TM4SF20: variants seen among roughly 807,000 people sequenced by gnomAD.
The protein encoded by TM4SF20 is transmembrane 4 L six family member 20, also known as transmembrane 4 L6 family member 20.
A neutral mutation model predicts 15.1 loss-of-function variants in TM4SF20; 13 were observed. The ratio of observed to expected loss-of-function variants is 0.86; its 90% CI spans 0.56 to 1.36. The LOEUF (loss-of-function observed/expected upper bound fraction) is 1.36, where lower values mean the gene tolerates loss of function less well. Among genes scored for constraint, TM4SF20 ranks in the 40% most tolerant of loss-of-function variants. The pLI is 0.00. For synonymous variants in TM4SF20, 92 were observed against 96.6 expected (o/e 0.95, Z 0.28); for missense variants, 282 against 268.4 (o/e 1.05, Z -0.35).
chr2:227,362,297 ATAATG>A lies in TM4SF20; in HGVS notation c.*1422_*1426del, dbSNP rs1424571964. On this transcript the variant is annotated 3_prime_UTR_variant, in exon 4 of 4. Transcript: ENST00000304568. Reference sequence around the variant, plus strand: ...CTAGGTATTGTTTTTTAATTAATGAATAATGTAAACATAGGAAAATAGGAGGGTAT... The same window carrying A: ...CTAGGTATTGTTTTTTAATTAATGAATAAACATAGGAAAATAGGAGGGTAT... The A allele has an allele frequency of 6.6e-6, 1 of 152,226 alleles. No individual in the cohort carries two copies. The highest frequency in any genetic ancestry group is 1.9e-4 in the East Asian group (1 of 5,204). The allele number at this position is 152,226 out of a possible 1,614,324, so 9.4% of individuals were successfully genotyped here. A position where few individuals can be genotyped will look rare whatever the true frequency, so the allele number is the denominator to read the frequency against.
chr2:227,379,201 A>G lies in TM4SF20; in HGVS notation c.68T>C (p.Val23Ala). 1.2e-6 allele frequency: 2 copies of G among 1,614,126 alleles called. No individual in the cohort carries two copies. Among genetic ancestry groups the G allele is most frequent in the African/African-American group, 1.3e-5 (1 of 75,014 alleles). The change falls in exon 1 of 4, where the codon GTA becomes GCA. Residue 23 changes from valine to alanine, a missense_variant. By Grantham distance (64) the Val-to-Ala change is moderately conservative. Transcript: ENST00000304568. ...FSLLVLLLLG[V>A]VLNAIPLIVS... ...AATTAGAGGTATCGCATTGAGAACT[A>G]CTCCTAACAGCAGTAGAACCAGCAG... is the stretch of plus-strand genomic sequence containing the variant.
chr2:227,367,318 CAGA>C (rs1318418639), intron 2 of TM4SF20, among the ~76,000 whole-genome samples: 1 of 152,036 alleles, frequency 6.6e-6, no homozygotes, highest in Non-Finnish European at 1.5e-5. Context: ...GTCATGAGAG[CAGA>C]AGAAGGCATG....
chr2:227,381,220 T>G (rs925800664), upstream of TM4SF20, among the ~76,000 whole-genome samples: 3 of 152,010 alleles, frequency 2.0e-5, no homozygotes, highest in Non-Finnish European at 4.4e-5. Flanking sequence ...GTAGTTGCAG[T>G]GAGCCAAGAT....
chr2:227,375,213 C>G (rs2076441739), intron 1 of TM4SF20, among the ~76,000 whole-genome samples: 1 of 152,086 alleles, frequency 6.6e-6, no homozygotes, highest in Non-Finnish European at 1.5e-5. Flanking sequence ...AGGCATAAGC[C>G]ACCATACCTG....
intron 3 of TM4SF20, among the ~76,000 whole-genome samples, chr2:227,364,858 A>T (rs1317364436): frequency 6.6e-6 from 1 of 152,190 alleles, no homozygotes; most frequent in Non-Finnish European, 1.5e-5. Context: ...TGTGCATAGC[A>T]TCTGTGGTAG....
At chr2:227,373,358 C>T (rs1340264241) in intron 1 of TM4SF20, among the ~76,000 whole-genome samples, 9 of 152,212 alleles carry the variant, frequency 5.9e-5, no homozygotes, top group Non-Finnish European at 1.3e-4. Context: ...GTGTATATGG[C>T]TGCCTAGCCA....
Position 227,363,660 on chromosome 2 carries a change from T to G in TM4SF20, c.*64A>C, listed in dbSNP as rs1486331981. 6.7e-6 allele frequency: 10 copies of G among 1,500,274 alleles called. No homozygotes were observed. Among genetic ancestry groups the G allele is most frequent in the Non-Finnish European group, 9.0e-6 (10 of 1,116,740 alleles). The allele number at this position is 1,500,274 out of a possible 1,614,324, so 92.9% of individuals were successfully genotyped here. On this transcript the variant is annotated 3_prime_UTR_variant, in exon 4 of 4. Coordinates refer to ENST00000304568, the MANE Select transcript of TM4SF20 (RefSeq NM_024795.4). ...TTTTAAATCATCTCAAAGATGACTT[T>G]GAAAACAAGTGTACTTCTCAAATTA...
In TM4SF20 at chr2:227,363,668, A is replaced by C. The variant is rs1275049648; in HGVS notation, c.*56T>G. On this transcript the variant is annotated 3_prime_UTR_variant, in exon 4 of 4. Transcript: ENST00000304568. ...CATCTCAAAGATGACTTTGAAAACA[A>C]GTGTACTTCTCAAATTAATTCAAAC... The C allele has an allele frequency of 6.6e-7, 1 of 1,518,874 alleles. No homozygotes were observed. The highest frequency in any genetic ancestry group is 2.3e-5 in the East Asian group (1 of 44,180). The allele number at this position is 1,518,874 out of a possible 1,614,324, so 94.1% of individuals were successfully genotyped here.
Position 227,363,433 on chromosome 2 carries a change from G to T in TM4SF20, c.*291C>A, listed in dbSNP as rs1226336159. ...CCTGTCTCAAAAAAAAAAAAAAAAA[G>T]TCCTGTACTTTTATTTTCAGGATGA... is the stretch of plus-strand genomic sequence containing the variant. On this transcript the variant is annotated 3_prime_UTR_variant, in exon 4 of 4. Coordinates refer to ENST00000304568, the MANE Select transcript of TM4SF20 (RefSeq NM_024795.4). The T allele has an allele frequency of 1.7e-5, 3 of 178,098 alleles. No individual in the cohort carries two copies. The highest frequency in any genetic ancestry group is 3.1e-5 in the Non-Finnish European group (3 of 95,980). 11.0% of individuals were successfully genotyped at this position (178,098 alleles called of 1,614,324 possible).
intron 3 of TM4SF20, among the ~76,000 whole-genome samples, chr2:227,365,362 C>T (rs867056607): frequency 8.5e-5 from 13 of 152,184 alleles, no homozygotes; most frequent in Admixed American, 2.6e-4. Flanking sequence ...GCAGGCTATA[C>T]AGAGAGGTAA....
intron 1 of TM4SF20, among the ~76,000 whole-genome samples, chr2:227,378,452 C>T (rs1364712576): frequency 1.3e-5 from 2 of 152,204 alleles, no homozygotes; most frequent in Non-Finnish European, 2.9e-5. Flanking sequence ...CACTGCTCTG[C>T]TGCAGATTTC....
At chr2:227,371,933 T>C (rs2076423106) in intron 1 of TM4SF20, among the ~76,000 whole-genome samples, 1 of 152,236 alleles carries the variant, frequency 6.6e-6, no homozygotes, top group African/African-American at 2.4e-5. Context: ...CAAGGAAAGC[T>C]GTAAGAAAGA....
In TM4SF20 at chr2:227,371,813, C is replaced by T. The variant is rs180695901; in HGVS notation, c.184-833G>A. On this transcript the variant is annotated intron_variant, in intron 1 of 3. Transcript: ENST00000304568. ...TTATATTTGAGAATTATTTTTGGTT[C>T]CACGTTCTCCTTTCTCTTCCTATAT... 1.2e-4 allele frequency among the ~76,000 whole-genome samples: 18 copies of T among 152,286 alleles called. 1 individual carries two copies. Among genetic ancestry groups the T allele is most frequent in the Admixed American group, 1.0e-3 (16 of 15,296 alleles).
At chr2:227,371,347 TG>T (rs2076420331) in intron 1 of TM4SF20, among the ~76,000 whole-genome samples, 1 of 152,230 alleles carries the variant, frequency 6.6e-6, no homozygotes, top group Non-Finnish European at 1.5e-5. Flanking sequence ...CTCTGTTGTT[TG>T]TTTGTTTAAA....
At position 227,370,902 on chromosome 2, in the gene TM4SF20, G is replaced by A. The variant is rs73090139; in HGVS notation, c.249+13C>T. The A allele has an allele frequency of 6.1e-3, 9,856 of 1,612,912 alleles. 524 individuals are homozygous for A. The African/African-American group carries it at 0.11, about 19-fold the overall frequency. Reference sequence around the variant, plus strand: ...ATGCACTTCTGCTTCCACGCCGACTGCTTCATACTTACTCCAGTTCTGTTG... The same window carrying A: ...ATGCACTTCTGCTTCCACGCCGACTACTTCATACTTACTCCAGTTCTGTTG... On this transcript the variant is annotated intron_variant, in intron 2 of 3. Transcript: ENST00000304568.
chr2:227,380,489 C>A (rs182357194), upstream of TM4SF20, among the ~76,000 whole-genome samples: 1 of 152,130 alleles, frequency 6.6e-6, no homozygotes, highest in South Asian at 2.1e-4. Context: ...AGGCAGGGTA[C>A]AAAAATGTGG....
chr2:227,374,484 C>T (rs1337676394), intron 1 of TM4SF20, among the ~76,000 whole-genome samples: 1 of 152,076 alleles, frequency 6.6e-6, no homozygotes, highest in Admixed American at 6.6e-5. Flanking sequence ...TCCAGATAAT[C>T]TCCTGCCAAA....
intron 2 of TM4SF20, among the ~76,000 whole-genome samples, chr2:227,369,215 ATATC>A: frequency 6.6e-6 from 1 of 152,362 alleles, no homozygotes; most frequent in South Asian, 2.1e-4. Context: ...TCCTAGATAA[ATATC>A]AAATGTCAGA....
chr2:227,378,499 C>A (rs1270548099), intron 1 of TM4SF20, among the ~76,000 whole-genome samples: 4 of 152,200 alleles, frequency 2.6e-5, no homozygotes, highest in Non-Finnish European at 5.9e-5. Context: ...CCAAACTATT[C>A]AACAAGCTCG....
Sources: allele counts gnomAD v4.1 joint callset (sites outside exome capture counted in the v4.1 genomes callset), GRCh38; gene constraint gnomAD v4.1.1; transcripts MANE v1.5; gene names NCBI Gene and HGNC (gene_info 2026-07-23, HGNC 2026-07-21).